The following CXCR2 variants were observed in gnomAD, a reference collection of about 807,000 sequenced individuals.
The protein encoded by CXCR2 is C-X-C chemokine receptor type 2.
A neutral mutation model predicts 3.7 loss-of-function variants in CXCR2; 2 were observed. The ratio of observed to expected loss-of-function variants is 0.55; its 90% CI spans 0.22 to 1.72. The LOEUF (loss-of-function observed/expected upper bound fraction) is 1.72, where lower values mean the gene tolerates loss of function less well. CXCR2 is among the 40% of genes most tolerant of loss of function. The pLI is 0.19. For synonymous variants in CXCR2, 203 were observed against 193.3 expected, an observed-to-expected ratio of 1.05 and a Z score of -0.41; for missense variants, 351 against 450.1, an observed-to-expected ratio of 0.78 and a Z score of 1.99.
rs199632962 is a variant in CXCR2 at position 218,136,576 on chromosome 2, C to T, written c.*692C>T. On this transcript the variant is annotated 3_prime_UTR_variant, in exon 3 of 3. Transcript: ENST00000318507. ...ATTAACACATGATCCTGCAATTCCA[C>T]TTATAGGAATTGACCCACAAGAAAT... 3.0e-5 allele frequency: 5 copies of T among 167,008 alleles called. No homozygotes were observed. 10.3% of individuals were successfully genotyped at this position (167,008 alleles called of 1,614,324 possible). A position where few individuals can be genotyped will look rare whatever the true frequency, so the allele number is the denominator to read the frequency against.
intron 2 of CXCR2, among the ~76,000 whole-genome samples, chr2:218,131,178 G>A (rs1049898887): frequency 6.6e-6 from 1 of 152,220 alleles, no homozygotes; most frequent in Non-Finnish European, 1.5e-5. Context: ...TCAAAGATGG[G>A]TCTTCTGTTG....
chr2:218,131,650 T>C (rs1381502952), intron 2 of CXCR2, among the ~76,000 whole-genome samples: 4 of 151,728 alleles, frequency 2.6e-5, no homozygotes, highest in Admixed American at 2.6e-4. Flanking sequence ...TTTGTATTTT[T>C]AGTAGAGACG....
At chr2:218,128,624 C>T (rs886939682) in intron 1 of CXCR2, among the ~76,000 whole-genome samples, 1 of 152,100 alleles carries the variant, frequency 6.6e-6, no homozygotes, top group African/African-American at 2.4e-5. Context: ...TCCCTTTTAC[C>T]AAAAGGCTTT....
rs1690789182 is a variant in CXCR2 at position 218,135,894 on chromosome 2, C to T, written c.*10C>T. On this transcript the variant is annotated 3_prime_UTR_variant, in exon 3 of 3. Coordinates refer to ENST00000318507, the MANE Select transcript of CXCR2 (RefSeq NM_001557.4). This position sits in a 1 kb window ranked among gnomAD's most constrained non-coding sequence, Gnocchi z 4.0. ...TTCCACTACTCTCTAAGACCTCCTG[C>T]CTAAGTGCAGCCCCGTGGGGTTCCT... 1.3e-6 allele frequency: 2 copies of T among 1,596,898 alleles called. No homozygotes were observed. Among genetic ancestry groups the T allele is most frequent in the African/African-American group, 1.3e-5 (1 of 74,524 alleles).
intron 1 of CXCR2, among the ~76,000 whole-genome samples, chr2:218,128,668 G>A (rs2106099589): frequency 6.6e-6 from 1 of 152,310 alleles, no homozygotes; most frequent in East Asian, 1.9e-4. Context: ...CTCCAAGGGT[G>A]GTAAGCTGCT....
chr2:218,127,409 G>A (rs1348248039), intron 1 of CXCR2, among the ~76,000 whole-genome samples: 2 of 152,184 alleles, frequency 1.3e-5, no homozygotes, highest in East Asian at 1.9e-4. Flanking sequence ...TTACAGGCAT[G>A]AGCCACCGCA....
At position 218,135,909 on chromosome 2, in the gene CXCR2, G is replaced by A. The variant is rs200375313; in HGVS notation, c.*25G>A. 295 of 1,575,706 alleles carry A rather than the reference G, an allele frequency of 1.9e-4. 1 individual carries two copies. In the African/African-American group the frequency reaches 2.9e-3, roughly 16 times the overall value. On this transcript the variant is annotated 3_prime_UTR_variant, in exon 3 of 3. Transcript: ENST00000318507. This position sits in a 1 kb window ranked among gnomAD's most constrained non-coding sequence, Gnocchi z 4.0. The stretch of plus-strand genomic sequence containing the variant: ...AGACCTCCTGCCTAAGTGCAGCCCC[G>A]TGGGGTTCCTCCCTTCTCTTCACAG...
At chr2:218,131,321 GTGACTT>G (rs1189505310) in intron 2 of CXCR2, among the ~76,000 whole-genome samples, 2 of 152,120 alleles carry the variant, frequency 1.3e-5, no homozygotes, top group Non-Finnish European at 2.9e-5. Context: ...TGAGGAGCTG[GTGACTT>G]CTTTCAGGTC....
intron 2 of CXCR2, 61 bp from the exon 3 acceptor site, chr2:218,134,716 G>A (rs1690736995): frequency 2.1e-6 from 3 of 1,457,322 alleles, no homozygotes; most frequent in Non-Finnish European, 2.8e-6. Context: ...CCAGTTTCTT[G>A]AGTGGATGGG....
At position 218,135,145 on chromosome 2, in the gene CXCR2, G is replaced by A. The variant is rs750271295; in HGVS notation, c.344G>A (p.Gly115Asp). The A allele has an allele frequency of 2.5e-6, 4 of 1,614,168 alleles. No homozygotes were observed. The highest frequency in any genetic ancestry group is 2.2e-5 in the South Asian group (2 of 91,078). ...TCCAAGGTGAATGGCTGGATTTTTGGCACATTCCTGTGCAAGGTGGTCTCA... is the reference window on the plus strand; with the variant it reads ...TCCAAGGTGAATGGCTGGATTTTTGACACATTCCTGTGCAAGGTGGTCTCA... ...AASKVNGWIFGTFLCKVVSLL... is the reference protein window; with the variant it reads ...AASKVNGWIFDTFLCKVVSLL... Residue 115 changes from glycine to aspartate, a missense_variant, in exon 3 of 3, where the codon GGC becomes GAC. Coordinates refer to ENST00000318507, the MANE Select transcript of CXCR2 (RefSeq NM_001557.4). This position sits in a 1 kb window ranked among gnomAD's most constrained non-coding sequence, Gnocchi z 4.0.
intron 1 of CXCR2, among the ~76,000 whole-genome samples, chr2:218,127,963 G>A (rs1231740877): frequency 1.3e-5 from 2 of 152,228 alleles, no homozygotes; most frequent in Non-Finnish European, 2.9e-5. Context: ...GGGATGTAGT[G>A]AGAGAGGCAG....
chr2:218,127,361 G>A (rs1056255251), intron 1 of CXCR2, among the ~76,000 whole-genome samples: 4 of 151,150 alleles, frequency 2.6e-5, no homozygotes, highest in East Asian at 4.0e-4. Context: ...TCCTGGCCTC[G>A]AGTGATCCAC....
chr2:218,132,370 GC>G, intron 2 of CXCR2, among the ~76,000 whole-genome samples: 1 of 152,142 alleles, frequency 6.6e-6, no homozygotes, highest in Admixed American at 6.5e-5. Context: ...TTTTGTGTCT[GC>G]CTTTTTTCAC....
rs191445302 is a variant in CXCR2 at position 218,135,957 on chromosome 2, A to G, written c.*73A>G. On this transcript the variant is annotated 3_prime_UTR_variant, in exon 3 of 3. Transcript: ENST00000318507. This position sits in a 1 kb window ranked among gnomAD's most constrained non-coding sequence, Gnocchi z 4.0. ...CAGTCACATTCCAAGCCTCATGTCC[A>G]CTGGTTCTTCTTGGTCTCAGTGTCA... The G allele has an allele frequency of 8.4e-4, 1,272 of 1,519,478 alleles. 1 individual carries two copies. Among genetic ancestry groups the G allele is most frequent in the Non-Finnish European group, 1.0e-3 (1,141 of 1,132,706 alleles). 94.1% of individuals were successfully genotyped at this position (1,519,478 alleles called of 1,614,324 possible).
At chr2:218,125,495 A>C (rs1344241859), upstream of CXCR2, 1 of 151,944 alleles carries the variant, frequency 6.6e-6, no homozygotes, top group Non-Finnish European at 1.5e-5. Context: ...GAATCTCTAC[A>C]CGCTATTCTG....
At position 218,136,436 on chromosome 2, in the gene CXCR2, C is replaced by T. The variant is rs1345469520; in HGVS notation, c.*552C>T. 1 of 168,162 alleles carries T rather than the reference C, an allele frequency of 5.9e-6. No individual in the cohort carries two copies. The highest frequency in any genetic ancestry group is 2.4e-5 in the African/African-American group (1 of 41,374). 10.4% of individuals were successfully genotyped at this position (168,162 alleles called of 1,614,324 possible). A position where few individuals can be genotyped will look rare whatever the true frequency, so the allele number is the denominator to read the frequency against. ...GCGACAGTGAGACTCTGTCTCAGTC[C>T]ATGAAGATGTAGAGGAGAAACTGGA... is the stretch of plus-strand genomic sequence containing the variant. On this transcript the variant is annotated 3_prime_UTR_variant, in exon 3 of 3. Coordinates refer to ENST00000318507, the MANE Select transcript of CXCR2 (RefSeq NM_001557.4).
chr2:218,135,202 T>C lies in CXCR2; in HGVS notation c.401T>C (p.Ile134Thr). 2 of 1,614,238 alleles carry C rather than the reference T, an allele frequency of 1.2e-6. No individual in the cohort carries two copies. Among genetic ancestry groups the C allele is most frequent in the Non-Finnish European group, 1.7e-6 (2 of 1,180,046 alleles). ...AAGGAAGTCAACTTCTATAGTGGCA[T>C]CCTGCTACTGGCCTGCATCAGTGTG... is the stretch of plus-strand genomic sequence containing the variant. ...LLKEVNFYSG[I>T]LLLACISVDR... The change falls in exon 3 of 3, where the codon ATC becomes ACC. Residue 134 changes from isoleucine to threonine, a missense_variant. Coordinates refer to ENST00000318507, the MANE Select transcript of CXCR2 (RefSeq NM_001557.4). The surrounding 1 kb of genome is among the most constrained non-coding windows in gnomAD (Gnocchi z 4.0).
intron 1 of CXCR2, among the ~76,000 whole-genome samples, chr2:218,127,938 G>A (rs1282703433): frequency 6.6e-6 from 1 of 152,214 alleles, no homozygotes; most frequent in Non-Finnish European, 1.5e-5. Flanking sequence ...ACTGCCGACT[G>A]CTTTCCCTTG....
In CXCR2 at chr2:218,135,655, C is replaced by T. The variant is rs201881186; in HGVS notation, c.854C>T (p.Thr285Ile). The change falls in exon 3 of 3, where the codon ACC becomes ATC. Residue 285 changes from threonine (T) to isoleucine (I), a missense_variant. By Grantham distance (89) the Thr-to-Ile change is moderately conservative. Transcript: ENST00000318507. The surrounding 1 kb of genome is among the most constrained non-coding windows in gnomAD (Gnocchi z 4.0). ...ATGAGGACCCAGGTGATCCAGGAGA[C>T]CTGTGAGCGCCGCAATCACATCGAC... ...TLMRTQVIQE[T>I]CERRNHIDRA... 3 of 1,614,142 alleles carry T rather than the reference C, an allele frequency of 1.9e-6. No homozygotes were observed. Among genetic ancestry groups the T allele is most frequent in the South Asian group, 1.1e-5 (1 of 91,072 alleles).
Sources: gnomAD v4.1 joint callset for allele counts (sites outside exome capture counted in the v4.1 genomes callset) on GRCh38, gnomAD v4.1.1 for gene constraint, Gnocchi (gnomAD v3.1) non-coding constraint, MANE v1.5 for transcripts, NCBI Gene and HGNC (gene_info 2026-07-23, HGNC 2026-07-21) for gene names.